Variants in EXOC4 observed in about 807,000 individuals in gnomAD.
EXOC4 encodes exocyst complex component 4, also known as SEC8-like 1.
EXOC4 carries 71 observed loss-of-function variants against 107.2 expected under a neutral mutation model. That is an observed-to-expected ratio of 0.66 (90% CI 0.55 to 0.81). The LOEUF is 0.81. Among genes scored for constraint, EXOC4 ranks in the 30% least tolerant of loss-of-function variants. The probability of loss-of-function intolerance (pLI) is 0.00; values close to 1 mark genes in which losing one functional copy is unlikely to be tolerated. For synonymous variants in EXOC4, 456 were observed against 441.2 expected (o/e 1.03, Z -0.42); for missense variants, 1,108 against 1,189.6 (o/e 0.93, Z 1.01).
intron 9 of EXOC4, chr7:133,480,582 T>G (rs1799131307): frequency 3.1e-6 from 1 of 317,972 alleles, no homozygotes; most frequent in Non-Finnish European, 4.9e-6. Flanking sequence ...AAATAGTATG[T>G]TATAATCAAT....
At chr7:133,495,058 G>C (rs1044336720) in intron 9 of EXOC4, among the ~76,000 whole-genome samples, 1 of 152,076 alleles carries the variant, frequency 6.6e-6, no homozygotes, top group Non-Finnish European at 1.5e-5. Flanking sequence ...GATCACGTGA[G>C]ATCAGGAGTT....
chr7:133,676,867 A>G (rs1245244346), intron 10 of EXOC4, among the ~76,000 whole-genome samples: 1 of 151,950 alleles, frequency 6.6e-6, no homozygotes, highest in African/African-American at 2.4e-5. Context: ...ATAGAAAGCT[A>G]TTCAAAAAGT....
chr7:133,743,805 G>A (rs1276403645), intron 10 of EXOC4, among the ~76,000 whole-genome samples: 1 of 152,074 alleles, frequency 6.6e-6, no homozygotes. Flanking sequence ...AGCTACTTGG[G>A]TGTTTTCGTG....
At chr7:133,426,217 A>G (rs1221880861) in intron 7 of EXOC4, among the ~76,000 whole-genome samples, 2 of 152,134 alleles carry the variant, frequency 1.3e-5, no homozygotes, top group Admixed American at 6.5e-5. Context: ...TGGCTATTCT[A>G]TGTTCATTTT....
At chr7:133,530,136 C>T (rs1366469330) in intron 9 of EXOC4, among the ~76,000 whole-genome samples, 5 of 152,140 alleles carry the variant, frequency 3.3e-5, no homozygotes, top group African/African-American at 7.2e-5. Flanking sequence ...TCAATCACTA[C>T]GCTACACTGC....
At chr7:133,476,481 A>G (rs113876157) in intron 8 of EXOC4, among the ~76,000 whole-genome samples, 1 of 152,150 alleles carries the variant, frequency 6.6e-6, no homozygotes, top group African/African-American at 2.4e-5. Flanking sequence ...TATTGAATTT[A>G]TTCTTTTTCA....
At position 133,822,501 on chromosome 7, in the gene EXOC4, A is replaced by G. The variant is rs1279179038; in HGVS notation, c.1734+4957A>G. Among the ~76,000 whole-genome samples, 4 of 152,198 alleles carry G rather than the reference A, an allele frequency of 2.6e-5. No individual in the cohort carries two copies. The East Asian group carries it at 5.8e-4, about 22-fold the overall frequency. ...AGCAAACTTTCTTCCTCTATCACCA[A>G]TGGAATATGCCATACCCTTGCTACT... is the stretch of plus-strand genomic sequence containing the variant. On this transcript the variant is annotated intron_variant, in intron 11 of 17. Transcript: ENST00000253861.
chr7:133,270,250 T>C (rs1057434169), intron 1 of EXOC4, among the ~76,000 whole-genome samples: 1 of 152,204 alleles, frequency 6.6e-6, no homozygotes, highest in African/African-American at 2.4e-5. Context: ...CCTCTTTCTT[T>C]TGTAAATTGC....
intron 10 of EXOC4, chr7:133,768,511 A>G (rs566933448): frequency 1.3e-5 from 2 of 151,958 alleles, no homozygotes; most frequent in African/African-American, 2.4e-5. Context: ...ACCTAAAAAT[A>G]GTCAAAACTT....
intron 1 of EXOC4, among the ~76,000 whole-genome samples, chr7:133,259,928 G>T (rs1340081512): frequency 6.6e-6 from 1 of 152,028 alleles, no homozygotes; most frequent in African/African-American, 2.4e-5. Flanking sequence ...TTTTACCTGT[G>T]TAACCACTGT....
intron 9 of EXOC4, among the ~76,000 whole-genome samples, chr7:133,523,851 C>A (rs1484055586): frequency 6.6e-6 from 1 of 152,066 alleles, no homozygotes; most frequent in East Asian, 1.9e-4. Context: ...CACTGTTGGA[C>A]ATTTGGGTTG....
chr7:133,681,040 T>A (rs1245020591), intron 10 of EXOC4, among the ~76,000 whole-genome samples: 3 of 152,196 alleles, frequency 2.0e-5, no homozygotes, highest in Admixed American at 2.0e-4. Flanking sequence ...GTTGTGACTT[T>A]CAAGTTGAAC....
At chr7:133,516,831 AG>A (rs1034297939) in intron 9 of EXOC4, among the ~76,000 whole-genome samples, 26 of 124,228 alleles carry the variant, frequency 2.1e-4, no homozygotes, top group African/African-American at 7.7e-4. Flanking sequence ...TTTTTACTTT[AG>A]GCCATTGTCT....
chr7:133,769,155 G>T (rs1194513881), intron 10 of EXOC4, among the ~76,000 whole-genome samples: 1 of 151,962 alleles, frequency 6.6e-6, no homozygotes, highest in Non-Finnish European at 1.5e-5. Context: ...CTCAATCCTG[G>T]TGCATAGTCA....
At chr7:133,987,685 C>T (rs1483917322) in intron 14 of EXOC4, among the ~76,000 whole-genome samples, 1 of 152,110 alleles carries the variant, frequency 6.6e-6, no homozygotes, top group Non-Finnish European at 1.5e-5. Flanking sequence ...TTTCTATCTT[C>T]TAGAAAGTTT....
chr7:133,509,171 G>A (rs1031779944), intron 9 of EXOC4, among the ~76,000 whole-genome samples: 7 of 152,164 alleles, frequency 4.6e-5, no homozygotes, highest in African/African-American at 7.2e-5. Context: ...GCTCACGCCT[G>A]TAATCCCAGC....
intron 11 of EXOC4, among the ~76,000 whole-genome samples, chr7:133,879,755 A>G (rs1179676140): frequency 6.6e-6 from 1 of 152,156 alleles, no homozygotes; most frequent in Non-Finnish European, 1.5e-5. Flanking sequence ...AATATCTTTG[A>G]CACGCCCTTT....
At chr7:133,566,229 T>C (rs1215198801) in intron 9 of EXOC4, among the ~76,000 whole-genome samples, 2 of 152,170 alleles carry the variant, frequency 1.3e-5, no homozygotes, top group East Asian at 3.8e-4. Flanking sequence ...GAGCCCAGGG[T>C]GAAACCTTAA....
At chr7:133,716,460 A>G (rs934598570) in intron 10 of EXOC4, among the ~76,000 whole-genome samples, 2 of 152,228 alleles carry the variant, frequency 1.3e-5, no homozygotes, top group African/African-American at 4.8e-5. Context: ...CATTCTGCCT[A>G]TTCACAGAAT....
Sources: allele counts gnomAD v4.1 joint callset (sites outside exome capture counted in the v4.1 genomes callset), GRCh38; gene constraint gnomAD v4.1.1; transcripts MANE v1.5; gene names NCBI Gene and HGNC (gene_info 2026-07-23, HGNC 2026-07-21).